The following CNTN5 variants were observed in gnomAD, a reference collection of about 807,000 sequenced individuals.
CNTN5 encodes contactin 5, also known as contactin-5.
CNTN5 carries 77 observed loss-of-function variants against 129.1 expected under a neutral mutation model. The ratio of observed to expected loss-of-function variants is 0.60; its 90% CI spans 0.50 to 0.72. The LOEUF (loss-of-function observed/expected upper bound fraction) is 0.72. Among genes scored for constraint, CNTN5 ranks in the 30% least tolerant of loss-of-function variants. The pLI is 0.00. For synonymous variants in CNTN5, 509 were observed against 465.6 expected, an observed-to-expected ratio of 1.09 and a Z score of -1.20; for missense variants, 1,478 against 1,328.8, an observed-to-expected ratio of 1.11 and a Z score of -1.75.
Position 99,665,933 on chromosome 11 carries a change from A to G in CNTN5, c.55+109664A>G, listed in dbSNP as rs139083643. The stretch of plus-strand genomic sequence containing the variant: ...AACCTCACCTTAGAAGAAGAGCACA[A>G]TTATCAAATTGTTAACTGTTTTTTT... On this transcript the variant is annotated intron_variant, in intron 3 of 24. Transcript: ENST00000524871. Among the ~76,000 whole-genome samples, 9 of 148,846 alleles carry G rather than the reference A, an allele frequency of 6.0e-5. No homozygotes were observed. In the East Asian group the frequency reaches 1.8e-3, roughly 29 times the overall value.
intron 3 of CNTN5, among the ~76,000 whole-genome samples, chr11:99,717,003 T>C (rs2134998101): frequency 6.6e-6 from 1 of 152,228 alleles, no homozygotes; most frequent in African/African-American, 2.4e-5. Context: ...CTTTTTTATT[T>C]AGTAGCGTTG....
Position 99,511,830 on chromosome 11 carries a change from TTAAA to T in CNTN5, c.-70-44295_-70-44292del, listed in dbSNP as rs968903175. 4.3e-4 allele frequency among the ~76,000 whole-genome samples: 65 copies of T among 150,524 alleles called. No homozygotes were observed. In the South Asian group the frequency reaches 9.2e-3, roughly 21 times the overall value. On this transcript the variant is annotated intron_variant, in intron 2 of 24. Transcript: ENST00000524871. Reference sequence around the variant, plus strand: ...AAAACTTAAAGTATAATAATAAAATTTAAATAAATAAATAAATAAATAATTTTGA... The same window carrying T: ...AAAACTTAAAGTATAATAATAAAATTTAAATAAATAAATAAATAATTTTGA...
intron 2 of CNTN5, among the ~76,000 whole-genome samples, chr11:99,433,371 A>AATGTGTGTGTG (rs1555143805): frequency 0.035 from 4,859 of 140,708 alleles, 109 homozygotes; most frequent in Non-Finnish European, 0.055. Flanking sequence ...TAAAAAAAAA[A>AATGTGTGTGTG]TGTGTGTGTG....
At chr11:99,327,041 C>A (rs185047382) in intron 2 of CNTN5, among the ~76,000 whole-genome samples, 1 of 152,156 alleles carries the variant, frequency 6.6e-6, no homozygotes, top group East Asian at 1.9e-4. Context: ...ATGGACGCAC[C>A]TTAACAAATC....
At chr11:99,593,150 T>A (rs531611359) in intron 3 of CNTN5, among the ~76,000 whole-genome samples, 1 of 152,322 alleles carries the variant, frequency 6.6e-6, no homozygotes, top group South Asian at 2.1e-4. Flanking sequence ...CCTATTCTGA[T>A]GGAGAGTGTT....
intron 18 of CNTN5, among the ~76,000 whole-genome samples, chr11:100,279,926 T>A (rs1197381281): frequency 1.6e-5 from 2 of 121,478 alleles, no homozygotes; most frequent in South Asian, 2.9e-4. Flanking sequence ...TTTTTTTTTT[T>A]AATGATTTAG....
chr11:99,984,884 G>A (rs918088275), intron 8 of CNTN5, among the ~76,000 whole-genome samples: 3 of 152,216 alleles, frequency 2.0e-5, no homozygotes, highest in Non-Finnish European at 1.5e-5. Flanking sequence ...GGGGCGCCCC[G>A]TTTACTCGGC....
intron 16 of CNTN5, among the ~76,000 whole-genome samples, chr11:100,231,064 C>T (rs1310320163): frequency 1.3e-5 from 2 of 152,134 alleles, no homozygotes; most frequent in African/African-American, 4.8e-5. Flanking sequence ...TTAGTGAGTG[C>T]TTACCACATG....
At chr11:100,154,670 C>T (rs1393928283) in intron 13 of CNTN5, among the ~76,000 whole-genome samples, 1 of 152,086 alleles carries the variant, frequency 6.6e-6, no homozygotes, top group African/African-American at 2.4e-5. Context: ...CTCTCCACAT[C>T]CTCTCTAGTA....
At chr11:99,171,083 A>C (rs2135540149) in intron 1 of CNTN5, among the ~76,000 whole-genome samples, 1 of 152,222 alleles carries the variant, frequency 6.6e-6, no homozygotes, top group East Asian at 1.9e-4. Flanking sequence ...TTCTTACCTA[A>C]CTTGTAATCC....
chr11:99,528,960 A>C (rs900874979), intron 2 of CNTN5, among the ~76,000 whole-genome samples: 2 of 145,406 alleles, frequency 1.4e-5, no homozygotes, highest in African/African-American at 5.0e-5. Flanking sequence ...AGCTAATACC[A>C]GCTACTAGGG....
intron 1 of CNTN5, among the ~76,000 whole-genome samples, chr11:99,225,086 A>G (rs76575044): frequency 0.041 from 6,216 of 152,272 alleles, 317 homozygotes; most frequent in African/African-American, 0.12. Context: ...ATTAGAAATG[A>G]CATTTACAAA....
chr11:99,663,104 A>G (rs927795640), intron 3 of CNTN5, among the ~76,000 whole-genome samples: 1 of 106,410 alleles, frequency 9.4e-6, no homozygotes, highest in Admixed American at 1.1e-4. Context: ...ATGGTCTTAC[A>G]GACAATAGTC....
chr11:100,169,202 CTG>C (rs1947749014), intron 13 of CNTN5, among the ~76,000 whole-genome samples: 1 of 151,960 alleles, frequency 6.6e-6, no homozygotes, highest in Non-Finnish European at 1.5e-5. Context: ...GTTGATAAAA[CTG>C]TGGCAGGGTT....
chr11:99,963,374 T>C lies in CNTN5; in HGVS notation c.877+6365T>C, dbSNP rs1951003884. 2.0e-5 allele frequency among the ~76,000 whole-genome samples: 3 copies of C among 152,230 alleles called. No homozygotes were observed. The South Asian group carries it at 6.2e-4, about 31-fold the overall frequency. On this transcript the variant is annotated intron_variant, in intron 8 of 24. Coordinates refer to ENST00000524871, the MANE Select transcript of CNTN5 (RefSeq NM_014361.4). ...GGGGATCCAGTTTCAGCTTTCTACA[T>C]ATGGCTAGCCAGTTTTCCCAGCACC...
intron 9 of CNTN5, among the ~76,000 whole-genome samples, chr11:100,049,855 C>A (rs1325422108): frequency 2.6e-5 from 4 of 152,046 alleles, no homozygotes; most frequent in Admixed American, 1.3e-4. Context: ...ATTTATGCAG[C>A]CAAAAAACAC....
chr11:99,964,621 T>C (rs1231287069), intron 8 of CNTN5, among the ~76,000 whole-genome samples: 1 of 152,096 alleles, frequency 6.6e-6, no homozygotes, highest in Non-Finnish European at 1.5e-5. Context: ...AAAATTCTCT[T>C]TTTTTTGTTG....
At chr11:99,940,507 T>A (rs1359914770) in intron 7 of CNTN5, among the ~76,000 whole-genome samples, 1 of 152,150 alleles carries the variant, frequency 6.6e-6, no homozygotes, top group East Asian at 1.9e-4. Flanking sequence ...TACTCCTACA[T>A]CATTTAATCA....
intron 3 of CNTN5, among the ~76,000 whole-genome samples, chr11:99,724,680 A>G (rs1943279649): frequency 6.6e-6 from 1 of 152,188 alleles, no homozygotes; most frequent in African/African-American, 2.4e-5. Context: ...TGACTAAGAG[A>G]TACTACCTTT....
Sources: gnomAD v4.1 joint callset for allele counts (sites outside exome capture counted in the v4.1 genomes callset) on GRCh38, gnomAD v4.1.1 for gene constraint, MANE v1.5 for transcripts, NCBI Gene and HGNC (gene_info 2026-07-23, HGNC 2026-07-21) for gene names.